The following SUPT3H variants were observed in gnomAD, a reference collection of about 807,000 sequenced individuals.
SUPT3H encodes transcription initiation protein SPT3 homolog.
SUPT3H carries 44 observed loss-of-function variants against 44.3 expected under a neutral mutation model. The ratio of observed to expected loss-of-function variants is 0.99; its 90% CI spans 0.78 to 1.28. The LOEUF (loss-of-function observed/expected upper bound fraction) is 1.28. SUPT3H is among the 50% of genes most tolerant of loss of function. The pLI is 0.00. For missense variants in SUPT3H, 380 were observed against 387.1 expected, an observed-to-expected ratio of 0.98 and a Z score of 0.15; for synonymous variants, 124 against 125.6, an observed-to-expected ratio of 0.99 and a Z score of 0.09.
At chr6:45,120,416 C>CAAAAAAAAA (rs1562497260) in intron 2 of SUPT3H, among the ~76,000 whole-genome samples, 3 of 11,644 alleles carry the variant, frequency 2.6e-4, no homozygotes, top group African/African-American at 9.4e-4. Flanking sequence ...GAGACCTTGT[C>CAAAAAAAAA]TAAAAAAAAA....
At chr6:45,324,549 A>C (rs1364714833) in intron 2 of SUPT3H, among the ~76,000 whole-genome samples, 1 of 151,850 alleles carries the variant, frequency 6.6e-6, no homozygotes, top group Non-Finnish European at 1.5e-5. Context: ...GAACCCAAAA[A>C]AGCCTGAAGG....
intron 3 of SUPT3H, among the ~76,000 whole-genome samples, chr6:45,027,843 T>G (rs1316293832): frequency 2.0e-5 from 3 of 152,220 alleles, no homozygotes; most frequent in Non-Finnish European, 2.9e-5. Flanking sequence ...TCCCTCAGAA[T>G]TTTCAAGGCA....
At chr6:44,909,972 A>G (rs534025198) in intron 10 of SUPT3H, among the ~76,000 whole-genome samples, 3 of 152,210 alleles carry the variant, frequency 2.0e-5, no homozygotes, top group Non-Finnish European at 4.4e-5. Flanking sequence ...GCGCTTTTGG[A>G]AAGTATTTGG....
intron 2 of SUPT3H, among the ~76,000 whole-genome samples, chr6:45,307,127 G>A (rs1010682267): frequency 5.3e-5 from 8 of 152,342 alleles, no homozygotes; most frequent in South Asian, 2.1e-4. Context: ...CAGGAAGCTC[G>A]AACTGGGTGG....
chr6:45,062,590 G>T (rs1792310559), intron 3 of SUPT3H, among the ~76,000 whole-genome samples: 1 of 152,168 alleles, frequency 6.6e-6, no homozygotes, highest in African/African-American at 2.4e-5. Context: ...GTGGGCGCAG[G>T]CCAGTGGGTG....
At chr6:44,991,477 C>T (rs1780603223) in intron 6 of SUPT3H, among the ~76,000 whole-genome samples, 1 of 151,232 alleles carries the variant, frequency 6.6e-6, no homozygotes, top group African/African-American at 2.4e-5. Flanking sequence ...TTATACTAAT[C>T]ACTAAATATT....
chr6:44,955,863 G>T (rs1229151041), intron 7 of SUPT3H, among the ~76,000 whole-genome samples: 1 of 152,106 alleles, frequency 6.6e-6, no homozygotes, highest in African/African-American at 2.4e-5. Context: ...GCTCACGCCT[G>T]TAATCCCAGC....
At chr6:44,942,826 G>A (rs1772680542) in intron 9 of SUPT3H, among the ~76,000 whole-genome samples, 1 of 152,112 alleles carries the variant, frequency 6.6e-6, no homozygotes, top group African/African-American at 2.4e-5. Context: ...TCTAGTTGCT[G>A]CCACTGAAGA....
chr6:45,013,834 T>C (rs1413268228), intron 5 of SUPT3H, among the ~76,000 whole-genome samples: 1 of 151,890 alleles, frequency 6.6e-6, no homozygotes, highest in East Asian at 1.9e-4. Context: ...TCACTCAGAG[T>C]AGAGCTTCTG....
chr6:45,206,904 T>C (rs7762957), intron 2 of SUPT3H, among the ~76,000 whole-genome samples: 26,117 of 151,890 alleles, frequency 0.17, 3,512 homozygotes, highest in African/African-American at 0.37. Flanking sequence ...GACATTCAAG[T>C]GGAGAGAGAG....
chr6:45,311,724 T>A (rs1385050476), intron 2 of SUPT3H, among the ~76,000 whole-genome samples: 3 of 152,008 alleles, frequency 2.0e-5, no homozygotes, highest in Non-Finnish European at 4.4e-5. Context: ...AAACATCATA[T>A]ATGAAGGAAA....
intron 2 of SUPT3H, among the ~76,000 whole-genome samples, chr6:45,222,918 G>A (rs1311664758): frequency 1.3e-5 from 2 of 152,082 alleles, no homozygotes; most frequent in African/African-American, 4.8e-5. Flanking sequence ...ATGGAATTAT[G>A]TTTGAGTAAA....
intron 8 of SUPT3H, among the ~76,000 whole-genome samples, chr6:44,953,827 G>A (rs961230452): frequency 6.6e-6 from 1 of 152,054 alleles, no homozygotes; most frequent in Non-Finnish European, 1.5e-5. Context: ...GGCCTCCTAG[G>A]TTCAAATGAT....
At chr6:45,000,413 A>G (rs1005886101) in intron 6 of SUPT3H, among the ~76,000 whole-genome samples, 1 of 152,040 alleles carries the variant, frequency 6.6e-6, no homozygotes, top group Non-Finnish European at 1.5e-5. Flanking sequence ...GGAGATGGAC[A>G]ACTTCTACAG....
chr6:45,149,727 G>A (rs1806614936), intron 2 of SUPT3H, among the ~76,000 whole-genome samples: 3 of 152,176 alleles, frequency 2.0e-5, no homozygotes, highest in South Asian at 4.1e-4. Context: ...GCTAAGCAAA[G>A]TCTAAAAAAT....
intron 3 of SUPT3H, among the ~76,000 whole-genome samples, chr6:45,021,614 T>C (rs949297023): frequency 6.6e-6 from 1 of 152,034 alleles, no homozygotes; most frequent in Admixed American, 6.6e-5. Flanking sequence ...TGTTCCTGAA[T>C]GCATCCTTCT....
At chr6:44,999,023 A>AT (rs5875904) in intron 6 of SUPT3H, among the ~76,000 whole-genome samples, 6 of 151,206 alleles carry the variant, frequency 4.0e-5, no homozygotes, top group Non-Finnish European at 7.4e-5. Context: ...TGCCTCTGTG[A>AT]TTTTTTTTCC....
chr6:45,244,713 CTA>C (rs1160603461), intron 2 of SUPT3H, among the ~76,000 whole-genome samples: 10 of 151,648 alleles, frequency 6.6e-5, no homozygotes, highest in Non-Finnish European at 1.5e-4. Flanking sequence ...CAGTAAACTT[CTA>C]TCTCTTCCAC....
intron 2 of SUPT3H, among the ~76,000 whole-genome samples, chr6:45,313,858 G>A (rs909998324): frequency 2.6e-5 from 4 of 151,882 alleles, no homozygotes; most frequent in East Asian, 1.9e-4. Flanking sequence ...ACTACAGACC[G>A]ATATCCTTGA....
Sources: gnomAD v4.1 joint callset for allele counts (sites outside exome capture counted in the v4.1 genomes callset) on GRCh38, gnomAD v4.1.1 for gene constraint, MANE v1.5 for transcripts, NCBI Gene and HGNC (gene_info 2026-07-23, HGNC 2026-07-21) for gene names.